The following BMAL1 variants were observed in gnomAD, a reference collection of about 807,000 sequenced individuals.
BMAL1 encodes basic helix-loop-helix ARNT-like protein 1.
the BMAL1 span, among the ~76,000 whole-genome samples, chr11:13,354,002 C>A: frequency 6.6e-6 from 1 of 152,168 alleles, no homozygotes. Context: ...CGCCACAGCA[C>A]AGGGACCGAG....
the BMAL1 span, among the ~76,000 whole-genome samples, chr11:13,343,674 A>C: frequency 3.3e-5 from 5 of 152,198 alleles, no homozygotes; most frequent in African/African-American, 1.2e-4. Flanking sequence ...ATCATTCAGC[A>C]AACTGAGTGC....
the BMAL1 span, among the ~76,000 whole-genome samples, chr11:13,289,834 A>G: frequency 9.9e-5 from 15 of 152,226 alleles, no homozygotes; most frequent in African/African-American, 3.1e-4. Context: ...ATAGTGCCAC[A>G]ATAAACATAC....
the BMAL1 span, among the ~76,000 whole-genome samples, chr11:13,326,619 C>T: frequency 2.0e-5 from 3 of 152,138 alleles, no homozygotes; most frequent in Non-Finnish European, 4.4e-5. Flanking sequence ...GATTGATTCT[C>T]AACTAGCTGG....
At chr11:13,311,359 C>T in the BMAL1 span, among the ~76,000 whole-genome samples, 1 of 152,042 alleles carries the variant, frequency 6.6e-6, no homozygotes, top group Non-Finnish European at 1.5e-5. Context: ...GACCCAGAGG[C>T]CATGGAGGAG....
At chr11:13,335,786 CTG>C in the BMAL1 span, among the ~76,000 whole-genome samples, 1 of 152,120 alleles carries the variant, frequency 6.6e-6, no homozygotes, top group Non-Finnish European at 1.5e-5. Flanking sequence ...ATGATGTTTT[CTG>C]GTGTAGCGGT....
the BMAL1 span, among the ~76,000 whole-genome samples, chr11:13,321,322 G>A: frequency 2.0e-5 from 3 of 152,064 alleles, no homozygotes; most frequent in East Asian, 3.9e-4. Flanking sequence ...TGTTTACTGC[G>A]TGACTCCTGT....
At chr11:13,360,140 G>A in the BMAL1 span, among the ~76,000 whole-genome samples, 1 of 152,122 alleles carries the variant, frequency 6.6e-6, no homozygotes, top group East Asian at 1.9e-4. Flanking sequence ...GGGTAACAGT[G>A]TTCTCTCTTC....
At chr11:13,317,090 C>T in the BMAL1 span, among the ~76,000 whole-genome samples, 213 of 152,154 alleles carry the variant, frequency 1.4e-3, 1 homozygote, top group Non-Finnish European at 2.3e-3. Context: ...CCGTGACTGG[C>T]GTGTAGAAAG....
chr11:13,284,264 ATATTT>A, the BMAL1 span, among the ~76,000 whole-genome samples: 15 of 34,818 alleles, frequency 4.3e-4, no homozygotes, highest in African/African-American at 2.3e-3. Flanking sequence ...ATATATATAT[ATATTT>A]TTTTTTTTAA....
At chr11:13,382,523 A>G in the BMAL1 span, among the ~76,000 whole-genome samples, 1 of 151,738 alleles carries the variant, frequency 6.6e-6, no homozygotes, top group East Asian at 1.9e-4. Context: ...CCTGCCCACA[A>G]CACACACACT....
chr11:13,365,673 T>A, the BMAL1 span: 2 of 1,136,118 alleles, frequency 1.8e-6, no homozygotes, highest in Non-Finnish European at 2.6e-6. Context: ...ATAATTATAG[T>A]ATACAAGTCA....
the BMAL1 span, among the ~76,000 whole-genome samples, chr11:13,319,607 A>G: frequency 6.6e-6 from 1 of 152,232 alleles, no homozygotes; most frequent in Non-Finnish European, 1.5e-5. Flanking sequence ...AGATTTAATT[A>G]TATGATTTTT....
chr11:13,337,374 T>G, the BMAL1 span, among the ~76,000 whole-genome samples: 1 of 152,180 alleles, frequency 6.6e-6, no homozygotes, highest in Admixed American at 6.5e-5. Flanking sequence ...GTATATCAGT[T>G]CACTAATGAA....
chr11:13,306,929 C>T, the BMAL1 span, among the ~76,000 whole-genome samples: 23 of 152,342 alleles, frequency 1.5e-4, no homozygotes, highest in Admixed American at 3.9e-4. Context: ...GCACAGCCAC[C>T]AGCAGCCTCA....
the BMAL1 span, chr11:13,353,096 C>T: frequency 1.3e-5 from 2 of 152,228 alleles, no homozygotes; most frequent in African/African-American, 2.4e-5. Context: ...GAAAACAGGC[C>T]GACTGCCTGG....
the BMAL1 span, among the ~76,000 whole-genome samples, chr11:13,293,027 G>T: frequency 6.6e-6 from 1 of 152,158 alleles, no homozygotes; most frequent in Non-Finnish European, 1.5e-5. Context: ...GAAAGCTAGC[G>T]GTCTGCTGTG....
At chr11:13,352,353 T>TAC in the BMAL1 span, among the ~76,000 whole-genome samples, 1 of 152,136 alleles carries the variant, frequency 6.6e-6, no homozygotes, top group African/African-American at 2.4e-5. Context: ...CATGTCCTGT[T>TAC]ACACAGGTGA....
the BMAL1 span, chr11:13,366,660 C>T: frequency 1.2e-6 from 2 of 1,610,180 alleles, no homozygotes; most frequent in South Asian, 1.1e-5. Flanking sequence ...ATTTCATCTC[C>T]CCAGAATGAT....
the BMAL1 span, among the ~76,000 whole-genome samples, chr11:13,284,218 ATATATATATGTG>A: frequency 2.1e-3 from 36 of 16,960 alleles, 7 homozygotes; most frequent in Middle Eastern, 0.068. Context: ...ATGTGTATAT[ATATATATATGTG>A]TGTGTATATA....
Sources: allele counts gnomAD v4.1 joint callset (sites outside exome capture counted in the v4.1 genomes callset), GRCh38; gene constraint gnomAD v4.1.1; transcripts MANE v1.5; gene names NCBI Gene and HGNC (gene_info 2026-07-23, HGNC 2026-07-21).